Variants in CAPSL observed in about 807,000 individuals in gnomAD.
CAPSL encodes calcyphosine like, also known as calcyphosin-like protein.
In CAPSL, 17 loss-of-function variants were observed where a neutral mutation model predicts 21.3. The ratio of observed to expected loss-of-function variants is 0.80; its 90% CI spans 0.55 to 1.20. CAPSL has a LOEUF of 1.20. Ranked by LOEUF, CAPSL falls within the 50% of genes most tolerant of loss-of-function variation. The probability of loss-of-function intolerance (pLI) is 0.00; values close to 1 mark genes in which losing one functional copy is unlikely to be tolerated. For missense variants in CAPSL, 289 were observed against 259.3 expected (o/e 1.11, Z -0.79); for synonymous variants, 102 against 89.3 (o/e 1.14, Z -0.80).
intron 2 of CAPSL, among the ~76,000 whole-genome samples, chr5:35,916,627 T>C (rs966499173): frequency 1.3e-5 from 2 of 152,210 alleles, no homozygotes; most frequent in Admixed American, 6.5e-5. Context: ...GATTGCCTAT[T>C]TAATAAATGG....
At chr5:35,922,643 T>C (rs981571258) in intron 1 of CAPSL, among the ~76,000 whole-genome samples, 1 of 152,190 alleles carries the variant, frequency 6.6e-6, no homozygotes, top group Non-Finnish European at 1.5e-5. Flanking sequence ...GAGACTTCCA[T>C]CTCCGTTCTT....
rs1760623612 is a variant in CAPSL, at chr5:35,904,435, A to G, written c.*110T>C. On this transcript the variant is annotated 3_prime_UTR_variant, in exon 5 of 5. Transcript: ENST00000651391. ...AGAAAATGCAATATTTTGACACAGAAAAAAACATTAGGATGAGTGTGAAAT... is the reference window on the plus strand; with the variant it reads ...AGAAAATGCAATATTTTGACACAGAGAAAAACATTAGGATGAGTGTGAAAT... The G allele has an allele frequency of 1.2e-6, 1 of 831,800 alleles. No homozygotes were observed. Among genetic ancestry groups the G allele is most frequent in the Non-Finnish European group, 1.9e-6 (1 of 522,812 alleles). The allele number at this position is 831,800 out of a possible 1,614,324, so 51.5% of individuals were successfully genotyped here.
intron 1 of CAPSL, among the ~76,000 whole-genome samples, chr5:35,937,635 C>T (rs1322714885): frequency 6.6e-6 from 1 of 152,174 alleles, no homozygotes; most frequent in Non-Finnish European, 1.5e-5. Flanking sequence ...GAGCTGTATC[C>T]TTTGCATTTA....
chr5:35,906,070 T>C (rs1012155514), intron 4 of CAPSL, among the ~76,000 whole-genome samples: 1 of 152,180 alleles, frequency 6.6e-6, no homozygotes, highest in Non-Finnish European at 1.5e-5. Context: ...TTACAGCAAA[T>C]AGCAAGTAAA....
chr5:35,929,648 A>G (rs1738772020), intron 1 of CAPSL, among the ~76,000 whole-genome samples: 1 of 152,176 alleles, frequency 6.6e-6, no homozygotes, highest in Non-Finnish European at 1.5e-5. Flanking sequence ...CTTAAAACCG[A>G]TAAATTGCTT....
chr5:35,916,754 T>C (rs1429117541), intron 2 of CAPSL, among the ~76,000 whole-genome samples: 3 of 152,094 alleles, frequency 2.0e-5, no homozygotes, highest in Non-Finnish European at 2.9e-5. Context: ...CCTAAAACCA[T>C]AAAAACCGTA....
rs1201952449 is a variant in CAPSL, at chr5:35,909,889, A to C, written c.502T>G (p.Ser168Ala). ...ACCAATCCATCTTTGTCATAGGGTGAATCAAAGTTATCCAGAAATTTCCTA... is the reference window on the plus strand; with the variant it reads ...ACCAATCCATCTTTGTCATAGGGTGCATCAAAGTTATCCAGAAATTTCCTA... ...VFRKFLDNFD[S>A]PYDKDGLVTP... The change falls in exon 4 of 5, where the codon TCA becomes GCA. Residue 168 changes from serine to alanine, a missense_variant. Ser to Ala is a moderately conservative substitution (Grantham distance 99, BLOSUM62 1). Coordinates refer to ENST00000651391, the MANE Select transcript of CAPSL (RefSeq NM_001042625.2). 1 of 1,613,200 alleles carries C rather than the reference A, an allele frequency of 6.2e-7. No homozygotes were observed.
intron 1 of CAPSL, among the ~76,000 whole-genome samples, chr5:35,927,663 C>G (rs2149930681): frequency 6.6e-6 from 1 of 152,296 alleles, no homozygotes; most frequent in Middle Eastern, 3.4e-3. Context: ...TGCTCTTTAT[C>G]TCTGTACTTG....
chr5:35,927,393 A>G (rs1342318690), intron 1 of CAPSL, among the ~76,000 whole-genome samples: 3 of 152,208 alleles, frequency 2.0e-5, no homozygotes, highest in Admixed American at 6.5e-5. Context: ...TTTCAATAGC[A>G]AGGAACCTGG....
intron 2 of CAPSL, among the ~76,000 whole-genome samples, chr5:35,915,181 A>G (rs1217417542): frequency 6.6e-6 from 1 of 152,234 alleles, no homozygotes; most frequent in Non-Finnish European, 1.5e-5. Flanking sequence ...ATCTCTGAAT[A>G]GACCAATAAC....
At chr5:35,919,170 A>AAAAT (rs754098152) in intron 2 of CAPSL, among the ~76,000 whole-genome samples, 2,588 of 121,210 alleles carry the variant, frequency 0.021, 33 homozygotes, top group Middle Eastern at 0.03. Context: ...TAAAAAAAAA[A>AAAAT]ATATATATAT....
intron 4 of CAPSL, 145 bp from the exon 5 acceptor site, chr5:35,904,791 A>AG (rs1463732694): frequency 1.6e-6 from 2 of 1,260,898 alleles, no homozygotes; most frequent in Admixed American, 6.1e-5. Context: ...CTAAAACAAA[A>AG]GAACAAGTGA....
intron 1 of CAPSL, among the ~76,000 whole-genome samples, chr5:35,925,675 A>G (rs1738654201): frequency 6.6e-6 from 1 of 152,106 alleles, no homozygotes; most frequent in Admixed American, 6.5e-5. Context: ...TAAAAAGGGA[A>G]AAATTCTTCT....
At chr5:35,911,313 A>G (rs1738215900) in intron 2 of CAPSL, among the ~76,000 whole-genome samples, 1 of 152,262 alleles carries the variant, frequency 6.6e-6, no homozygotes, top group Non-Finnish European at 1.5e-5. Flanking sequence ...GCAACTTTAC[A>G]ATGGAGAAGT....
At chr5:35,924,703 T>C (rs1738628039) in intron 1 of CAPSL, among the ~76,000 whole-genome samples, 3 of 152,334 alleles carry the variant, frequency 2.0e-5, no homozygotes, top group Admixed American at 2.0e-4. Flanking sequence ...TATGCTGGAA[T>C]AGAGTGTGGG....
intron 2 of CAPSL, among the ~76,000 whole-genome samples, chr5:35,918,441 C>T (rs376411746): frequency 6.6e-6 from 1 of 152,110 alleles, no homozygotes; most frequent in South Asian, 2.1e-4. Flanking sequence ...GGGAACATCA[C>T]ACAGTGGAAC....
At chr5:35,929,667 C>T (rs1304589242) in intron 1 of CAPSL, among the ~76,000 whole-genome samples, 1 of 152,152 alleles carries the variant, frequency 6.6e-6, no homozygotes, top group African/African-American at 2.4e-5. Context: ...TTTGGGGACT[C>T]AGAGAAGGTC....
chr5:35,908,561 A>G (rs1056797559), intron 4 of CAPSL, among the ~76,000 whole-genome samples: 2 of 152,146 alleles, frequency 1.3e-5, no homozygotes, highest in East Asian at 1.9e-4. Flanking sequence ...GGAAGCAGAC[A>G]CACTCTAGGA....
intron 1 of CAPSL, among the ~76,000 whole-genome samples, chr5:35,926,191 G>A (rs902509349): frequency 6.6e-6 from 1 of 152,158 alleles, no homozygotes; most frequent in Admixed American, 6.5e-5. Context: ...TTCCAGCTAT[G>A]CTGCCTGGAC....
Sources: allele counts gnomAD v4.1 joint callset (sites outside exome capture counted in the v4.1 genomes callset), GRCh38; gene constraint gnomAD v4.1.1; transcripts MANE v1.5; gene names NCBI Gene and HGNC (gene_info 2026-07-23, HGNC 2026-07-21).